Variants in DPYSL5 observed in about 807,000 individuals in gnomAD.
DPYSL5 encodes dihydropyrimidinase-related protein 5.
In DPYSL5, 9 loss-of-function variants were observed where a neutral mutation model predicts 58.4. That is an observed-to-expected ratio of 0.15 (90% CI 0.09 to 0.27). The LOEUF is 0.27. Among genes scored for constraint, DPYSL5 ranks in the 10% least tolerant of loss-of-function variants. The pLI is 1.00. For synonymous variants in DPYSL5, 293 were observed against 301.9 expected, an observed-to-expected ratio of 0.97 and a Z score of 0.31; for missense variants, 499 against 770.6, an observed-to-expected ratio of 0.65 and a Z score of 4.17.
At position 26,942,817 on chromosome 2, in the gene DPYSL5, T is replaced by C; in HGVS notation, c.1440+67T>C. ...TGCCGGGGAACATCCTCCATGACTG[T>C]TTTAAATCTCAAAGAGATGTTCACT... is the stretch of plus-strand genomic sequence containing the variant. On this transcript the variant is annotated intron_variant, in intron 11 of 12. Coordinates refer to ENST00000288699, the MANE Select transcript of DPYSL5 (RefSeq NM_020134.4). This position sits in a 1 kb window ranked among gnomAD's most constrained non-coding sequence, Gnocchi z 5.9. 6.4e-7 allele frequency: 1 copy of C among 1,550,838 alleles called. No individual in the cohort carries two copies. Among genetic ancestry groups the C allele is most frequent in the Non-Finnish European group, 8.8e-7 (1 of 1,130,364 alleles).
intron 2 of DPYSL5, among the ~76,000 whole-genome samples, chr2:26,915,013 C>T (rs991801197): frequency 1.3e-5 from 2 of 152,104 alleles, no homozygotes; most frequent in South Asian, 2.1e-4. Flanking sequence ...AATCTTGATG[C>T]TCTCCTATGC....
rs1402406510 is a variant in DPYSL5, at chr2:26,947,114, C to A, written c.*119C>A. The A allele has an allele frequency of 1.3e-6, 1 of 742,202 alleles. No individual in the cohort carries two copies. Among genetic ancestry groups the A allele is most frequent in the Admixed American group, 2.5e-5 (1 of 40,690 alleles). The allele number at this position is 742,202 out of a possible 1,614,324, so 46.0% of individuals were successfully genotyped here. On this transcript the variant is annotated 3_prime_UTR_variant, in exon 13 of 13. Transcript: ENST00000288699. This position sits in a 1 kb window ranked among gnomAD's most constrained non-coding sequence, Gnocchi z 4.2. ...GTGGCACACCACCCGAGGGGGGCCC[C>A]GGGACCCACGGAGCCCTCCCTATGT... is the stretch of plus-strand genomic sequence containing the variant.
In DPYSL5 at chr2:26,942,059, C is replaced by T; in HGVS notation, c.1199C>T (p.Ala400Val). 1 of 1,614,212 alleles carries T rather than the reference C, an allele frequency of 6.2e-7. No individual in the cohort carries two copies. Among genetic ancestry groups the T allele is most frequent in the Non-Finnish European group, 8.5e-7 (1 of 1,180,046 alleles). Residue 400 changes from alanine to valine, a missense_variant, in exon 10 of 13, where the codon GCT becomes GTT. This residue lies in a region of DPYSL5 where 404 missense variants were observed against 647.6 expected (regional missense o/e 0.62). Coordinates refer to ENST00000288699, the MANE Select transcript of DPYSL5 (RefSeq NM_020134.4). This position sits in a 1 kb window ranked among gnomAD's most constrained non-coding sequence, Gnocchi z 5.9. ...RKGRIIPGAD[A>V]DVVVWDPEAT... ...GGCCGCATTATTCCCGGAGCCGATG[C>T]TGATGTGGTGGTGTGGGACCCAGAA... is the stretch of plus-strand genomic sequence containing the variant.
chr2:26,931,152 A>AAAAAAAATAT (rs1209140758), intron 5 of DPYSL5, among the ~76,000 whole-genome samples: 33 of 48,814 alleles, frequency 6.8e-4, no homozygotes, highest in African/African-American at 1.4e-3. Flanking sequence ...AAAAAAAAAA[A>AAAAAAAATAT]ATATATATAT....
intron 11 of DPYSL5, among the ~76,000 whole-genome samples, chr2:26,943,756 C>T (rs1665386849): frequency 6.6e-6 from 1 of 152,314 alleles, no homozygotes; most frequent in Middle Eastern, 3.4e-3. Context: ...CAAAGCCACA[C>T]AGTTTACAAG....
At chr2:26,931,705 TG>T in intron 6 of DPYSL5, 21 bp downstream of exon 6, 11 of 1,613,564 alleles carry the variant, frequency 6.8e-6, no homozygotes, top group Non-Finnish European at 8.5e-6. Flanking sequence ...CGATGTCCAC[TG>T]TGGGATTAGA....
At chr2:26,875,552 C>T (rs541610446) in intron 1 of DPYSL5, among the ~76,000 whole-genome samples, 4 of 152,184 alleles carry the variant, frequency 2.6e-5, no homozygotes, top group Admixed American at 1.3e-4. Flanking sequence ...CAGTATCTGG[C>T]GTGGAGTCCT....
Position 26,933,299 on chromosome 2 carries a change from G to C in DPYSL5, c.756G>C (p.Ser252=). Residue 252 remains serine (S), a synonymous_variant, in exon 7 of 13, where the codon TCG becomes TCC. Transcript: ENST00000288699. This position sits in a 1 kb window ranked among gnomAD's most constrained non-coding sequence, Gnocchi z 4.2. ...ACCTGGTCAACGTGTCCAGTATCTCGGCTGGTGACGTTATCGCAGCTGCTA... is the reference window on the plus strand; with the variant it reads ...ACCTGGTCAACGTGTCCAGTATCTCCGCTGGTGACGTTATCGCAGCTGCTA... ...PIYLVNVSSI[S]AGDVIAAAKM... The C allele has an allele frequency of 6.2e-7, 1 of 1,614,120 alleles. No homozygotes were observed. Among genetic ancestry groups the C allele is most frequent in the Non-Finnish European group, 8.5e-7 (1 of 1,179,994 alleles).
intron 2 of DPYSL5, among the ~76,000 whole-genome samples, chr2:26,921,379 C>T (rs936522397): frequency 2.3e-4 from 35 of 152,026 alleles, no homozygotes; most frequent in African/African-American, 7.5e-4. Context: ...TCTTCTGCAG[C>T]GTACTTAACC....
Position 26,934,664 on chromosome 2 carries a change from G to T in DPYSL5, c.877G>T (p.Ala293Ser). ...YYHQDWSHAA[A>S]YVTVPPLRLD... is the part of the protein sequence containing the mutation. The stretch of plus-strand genomic sequence containing the variant: ...CCACCAGGACTGGTCCCACGCGGCT[G>T]CCTATGTCACGGTGCCTCCCCTGAG... The change falls in exon 8 of 13, where the codon GCC becomes TCC. Residue 293 changes from alanine (A) to serine (S), a missense_variant. Physicochemically the swap from Ala to Ser is moderately conservative, Grantham distance 99. Coordinates refer to ENST00000288699, the MANE Select transcript of DPYSL5 (RefSeq NM_020134.4). This position sits in a 1 kb window ranked among gnomAD's most constrained non-coding sequence, Gnocchi z 4.3. 1 of 1,614,190 alleles carries T rather than the reference G, an allele frequency of 6.2e-7. No individual in the cohort carries two copies. Among genetic ancestry groups the T allele is most frequent in the South Asian group, 1.1e-5 (1 of 91,080 alleles).
intron 1 of DPYSL5, among the ~76,000 whole-genome samples, chr2:26,881,510 G>A (rs1360597489): frequency 6.6e-6 from 1 of 152,150 alleles, no homozygotes; most frequent in African/African-American, 2.4e-5. Context: ...TTGCTTCTCA[G>A]GCTTAGGAAT....
rs1193647862 is a variant in DPYSL5, at chr2:26,940,949, TTGTG to T, written c.1089+782_1089+785del. Among the ~76,000 whole-genome samples, 26 of 142,102 alleles carry T rather than the reference TTGTG, an allele frequency of 1.8e-4. 1 individual carries two copies. The highest frequency in any genetic ancestry group is 5.0e-4 in the African/African-American group (19 of 37,714). The allele number at this position is 142,102 out of a possible 152,430, so 93.2% of individuals were successfully genotyped here. A position where few individuals can be genotyped will look rare whatever the true frequency, so the allele number is the denominator to read the frequency against. ...TATTATTATTATTATTTATTTTTTT[TTGTG>T]TGTGATAGAATCTCCCTCTGTTGCC... On this transcript the variant is annotated intron_variant, in intron 9 of 12. Transcript: ENST00000288699.
rs116041614 is a variant in DPYSL5, at chr2:26,934,742, G to A, written c.947+8G>A. ...CATGAGCCTGCTGGCCAAGTAAGGC[G>A]TTTCAGCAGCACATTGCAGGGATGT... On this transcript the variant is annotated splice_region_variant and intron_variant, in intron 8 of 12. Coordinates refer to ENST00000288699, the MANE Select transcript of DPYSL5 (RefSeq NM_020134.4). This position sits in a 1 kb window ranked among gnomAD's most constrained non-coding sequence, Gnocchi z 4.3. The A allele has an allele frequency of 3.2e-3, 5,163 of 1,613,972 alleles. 42 individuals carry two copies. The highest frequency in any genetic ancestry group is 0.032 in the African/African-American group (2,393 of 75,020).
chr2:26,937,590 A>C (rs1334136420), intron 8 of DPYSL5, among the ~76,000 whole-genome samples: 1 of 152,066 alleles, frequency 6.6e-6, no homozygotes, highest in Non-Finnish European at 1.5e-5. Flanking sequence ...GGAATAAAAA[A>C]GTACAATCTA....
At position 26,942,815 on chromosome 2, in the gene DPYSL5, T is replaced by G; in HGVS notation, c.1440+65T>G. The G allele has an allele frequency of 6.4e-7, 1 of 1,558,718 alleles. No individual in the cohort carries two copies. Among genetic ancestry groups the G allele is most frequent in the Non-Finnish European group, 8.8e-7 (1 of 1,136,474 alleles). On this transcript the variant is annotated intron_variant, in intron 11 of 12. Coordinates refer to ENST00000288699, the MANE Select transcript of DPYSL5 (RefSeq NM_020134.4). The surrounding 1 kb of genome is among the most constrained non-coding windows in gnomAD (Gnocchi z 5.9). The stretch of plus-strand genomic sequence containing the variant: ...CCTGCCGGGGAACATCCTCCATGAC[T>G]GTTTTAAATCTCAAAGAGATGTTCA...
intron 2 of DPYSL5, among the ~76,000 whole-genome samples, chr2:26,918,346 T>C (rs1384301930): frequency 6.6e-6 from 1 of 152,080 alleles, no homozygotes; most frequent in South Asian, 2.1e-4. Context: ...TGGACCCTTT[T>C]TGGGGGTTGT....
intron 1 of DPYSL5, among the ~76,000 whole-genome samples, chr2:26,857,450 G>A (rs1318423160): frequency 6.6e-6 from 1 of 151,970 alleles, no homozygotes; most frequent in East Asian, 1.9e-4. Context: ...TGAGGCAGGA[G>A]AATCGCTTGA....
chr2:26,856,082 A>G (rs1023949697), intron 1 of DPYSL5, among the ~76,000 whole-genome samples: 1 of 152,060 alleles, frequency 6.6e-6, no homozygotes, highest in African/African-American at 2.4e-5. Flanking sequence ...GTGCATTTTA[A>G]AAAAAACTAG....
rs888467891 is a variant in DPYSL5, at chr2:26,877,468, G to A, written c.-4-21028G>A. Reference sequence around the variant, plus strand: ...TTCCTGTTTTCTGTGCCTACTACATGTGCTCCACCCCACACCTGCTGAGTA... The same window carrying A: ...TTCCTGTTTTCTGTGCCTACTACATATGCTCCACCCCACACCTGCTGAGTA... On this transcript the variant is annotated intron_variant, in intron 1 of 12. Transcript: ENST00000288699. This position sits in a 1 kb window ranked among gnomAD's most constrained non-coding sequence, Gnocchi z 4.1. 6.6e-6 allele frequency among the ~76,000 whole-genome samples: 1 copy of A among 152,070 alleles called. No individual in the cohort carries two copies. Among genetic ancestry groups the A allele is most frequent in the Non-Finnish European group, 1.5e-5 (1 of 68,026 alleles).
Sources: allele counts gnomAD v4.1 joint callset (sites outside exome capture counted in the v4.1 genomes callset), GRCh38; gene constraint gnomAD v4.1.1; regional missense constraint gnomAD v4.1.1; non-coding constraint Gnocchi (gnomAD v3.1); transcripts MANE v1.5; gene names NCBI Gene and HGNC (gene_info 2026-07-23, HGNC 2026-07-21).